Variants in CNTN5 observed in about 807,000 individuals in gnomAD.
CNTN5 encodes contactin 5.
CNTN5 carries 77 observed loss-of-function variants against 129.1 expected under a neutral mutation model. That is an observed-to-expected ratio of 0.60 (90% confidence interval 0.50 to 0.72). CNTN5 has a LOEUF of 0.72. Ranked by LOEUF, CNTN5 falls within the 30% of genes least tolerant of loss-of-function variation. The pLI is 0.00. For synonymous variants in CNTN5, 509 were observed against 465.6 expected (o/e 1.09, Z -1.20); for missense variants, 1,478 against 1,328.8 (o/e 1.11, Z -1.75).
intron 2 of CNTN5, among the ~76,000 whole-genome samples, chr11:99,466,118 G>C (rs977646559): frequency 2.2e-4 from 33 of 152,010 alleles, no homozygotes; most frequent in African/African-American, 8.0e-4. Context: ...TCCTGACCTC[G>C]TGATCCACCC....
At chr11:99,103,448 C>A (rs1399280406) in intron 1 of CNTN5, among the ~76,000 whole-genome samples, 1 of 152,054 alleles carries the variant, frequency 6.6e-6, no homozygotes, top group Non-Finnish European at 1.5e-5. Flanking sequence ...TATTTTCATC[C>A]TTTAAAATGT....
intron 2 of CNTN5, among the ~76,000 whole-genome samples, chr11:99,448,782 T>C (rs1375268723): frequency 6.7e-6 from 1 of 150,274 alleles, no homozygotes; most frequent in African/African-American, 2.4e-5. Flanking sequence ...TTTATTTTAT[T>C]TTATTTTATT....
intron 10 of CNTN5, among the ~76,000 whole-genome samples, chr11:100,069,624 AAATG>A (rs1466818587): frequency 3.6e-4 from 55 of 152,310 alleles, no homozygotes; most frequent in African/African-American, 1.3e-3. Flanking sequence ...AACAACATAT[AAATG>A]AATGAATGAT....
chr11:100,216,797 A>G (rs936928736), intron 15 of CNTN5, among the ~76,000 whole-genome samples: 5 of 152,170 alleles, frequency 3.3e-5, no homozygotes, highest in African/African-American at 4.8e-5. Context: ...TTACTACTCA[A>G]TGAAGCCATT....
At chr11:99,240,573 T>C (rs184691898) in intron 1 of CNTN5, among the ~76,000 whole-genome samples, 124 of 152,086 alleles carry the variant, frequency 8.2e-4, no homozygotes, top group Middle Eastern at 3.4e-3. Context: ...CTCCCCTTCA[T>C]CTTCCTCCGC....
At chr11:100,129,351 G>A (rs1453136732) in intron 13 of CNTN5, among the ~76,000 whole-genome samples, 1 of 152,018 alleles carries the variant, frequency 6.6e-6, no homozygotes, top group Non-Finnish European at 1.5e-5. Context: ...TCTTAATCTT[G>A]ACCAATGGGC....
At chr11:99,034,380 C>T (rs1296632611) in intron 1 of CNTN5, among the ~76,000 whole-genome samples, 1 of 151,692 alleles carries the variant, frequency 6.6e-6, no homozygotes, top group Non-Finnish European at 1.5e-5. Flanking sequence ...TAGAATTCGG[C>T]TGTGAATCCA....
chr11:99,889,239 G>C (rs1443153307), intron 6 of CNTN5, among the ~76,000 whole-genome samples: 1 of 151,720 alleles, frequency 6.6e-6, no homozygotes, highest in African/African-American at 2.4e-5. Context: ...AAGAAAGACT[G>C]GATGTTGTCA....
chr11:100,106,595 A>T (rs929683015), intron 13 of CNTN5, among the ~76,000 whole-genome samples: 1 of 152,172 alleles, frequency 6.6e-6, no homozygotes, highest in Non-Finnish European at 1.5e-5. Flanking sequence ...TACAGTTTAA[A>T]TTGTACATTG....
chr11:99,656,783 T>C (rs1397907488), intron 3 of CNTN5, among the ~76,000 whole-genome samples: 2 of 152,052 alleles, frequency 1.3e-5, no homozygotes, highest in African/African-American at 2.4e-5. Flanking sequence ...GTGGACTGGA[T>C]AGCAAAGGCC....
At chr11:100,309,382 A>G (rs1951423650) in intron 21 of CNTN5, 2 of 971,912 alleles carry the variant, frequency 2.1e-6, no homozygotes, top group Non-Finnish European at 2.4e-6. Context: ...TATTTGATTA[A>G]CATACAGCTG....
intron 13 of CNTN5, among the ~76,000 whole-genome samples, chr11:100,129,734 A>G (rs576711318): frequency 4.6e-5 from 7 of 152,282 alleles, no homozygotes; most frequent in African/African-American, 1.7e-4. Context: ...CTTAGTGCCA[A>G]AGAAAATACC....
intron 3 of CNTN5, among the ~76,000 whole-genome samples, chr11:99,774,588 A>C (rs369888123): frequency 6.6e-6 from 1 of 151,930 alleles, no homozygotes; most frequent in Non-Finnish European, 1.5e-5. Flanking sequence ...TGTCTCTCCA[A>C]CTGTCTTCCA....
At chr11:99,250,753 T>G (rs1862058083) in intron 1 of CNTN5, among the ~76,000 whole-genome samples, 1 of 151,924 alleles carries the variant, frequency 6.6e-6, no homozygotes, top group Admixed American at 6.6e-5. Context: ...TCTTTGGTTA[T>G]TATCATATCC....
chr11:99,671,913 AAC>A (rs1373820075), intron 3 of CNTN5, among the ~76,000 whole-genome samples: 1 of 151,964 alleles, frequency 6.6e-6, no homozygotes, highest in African/African-American at 2.4e-5. Flanking sequence ...CACTCACATA[AAC>A]ACACACACCT....
chr11:100,037,666 G>T (rs1342168497), intron 9 of CNTN5, among the ~76,000 whole-genome samples: 2 of 152,262 alleles, frequency 1.3e-5, no homozygotes, highest in East Asian at 3.9e-4. Context: ...GGTCTATTCA[G>T]AGATTCAACT....
At chr11:99,424,934 C>G (rs936343213) in intron 2 of CNTN5, among the ~76,000 whole-genome samples, 1 of 152,176 alleles carries the variant, frequency 6.6e-6, no homozygotes, top group Non-Finnish European at 1.5e-5. Context: ...AGAGGAAACT[C>G]AAAGTGGGTT....
At chr11:99,653,459 C>T (rs1050851262) in intron 3 of CNTN5, among the ~76,000 whole-genome samples, 4 of 151,922 alleles carry the variant, frequency 2.6e-5, no homozygotes, top group African/African-American at 9.7e-5. Flanking sequence ...AGATTTCAAC[C>T]TTAAATCAGT....
At chr11:99,771,449 A>G (rs1407674717) in intron 3 of CNTN5, among the ~76,000 whole-genome samples, 2 of 152,090 alleles carry the variant, frequency 1.3e-5, no homozygotes, top group Non-Finnish European at 2.9e-5. Flanking sequence ...ATTTACACAC[A>G]ATGAAATATT....
Sources: allele counts gnomAD v4.1 joint callset (sites outside exome capture counted in the v4.1 genomes callset), GRCh38; gene constraint gnomAD v4.1.1; transcripts MANE v1.5; gene names NCBI Gene and HGNC (gene_info 2026-07-23, HGNC 2026-07-21).